ANO10: variants seen among roughly 807,000 people sequenced by gnomAD.
The protein encoded by ANO10 is anoctamin 10, also known as anoctamin-10.
In ANO10, 77 loss-of-function variants were observed where a neutral mutation model predicts 74.7. The ratio of observed to expected loss-of-function variants is 1.03; its 90% CI spans 0.86 to 1.25. The LOEUF is 1.25. Ranked by LOEUF, ANO10 falls within the 50% of genes most tolerant of loss-of-function variation. ANO10 has a pLI of 0.00. For synonymous variants in ANO10, 279 were observed against 284.9 expected (o/e 0.98, Z 0.21); for missense variants, 721 against 778.1 (o/e 0.93, Z 0.87).
chr3:43,600,251 A>C, intron 3 of ANO10, 133 bp downstream of exon 3: 1 of 1,000,464 alleles, frequency 1.0e-6, no homozygotes, highest in East Asian at 2.5e-5. Context: ...AGCAGAGACC[A>C]CACGGACTGC....
chr3:43,552,724 ATATATGTATGTATG>A (rs1199664142), intron 10 of ANO10, among the ~76,000 whole-genome samples: 25 of 102,984 alleles, frequency 2.4e-4, no homozygotes, highest in East Asian at 1.1e-3. Flanking sequence ...ATATATATAT[ATATATGTATGTATG>A]TATGTATGTA....
chr3:43,502,334 G>T (rs1441534238), intron 11 of ANO10, among the ~76,000 whole-genome samples: 2 of 151,728 alleles, frequency 1.3e-5, no homozygotes, highest in Non-Finnish European at 2.9e-5. Context: ...TTGGGTCATG[G>T]GGGCAGATTC....
At chr3:43,591,133 A>G (rs2081727880) in intron 4 of ANO10, among the ~76,000 whole-genome samples, 2 of 152,134 alleles carry the variant, frequency 1.3e-5, no homozygotes, top group Admixed American at 1.3e-4. Context: ...AAATCTTGCA[A>G]CTGCACATTC....
intron 8 of ANO10, among the ~76,000 whole-genome samples, chr3:43,564,441 A>G (rs538963034): frequency 2.4e-4 from 37 of 152,274 alleles, no homozygotes; most frequent in African/African-American, 8.7e-4. Context: ...GCCACCCATA[A>G]TTACACAACC....
At chr3:43,560,050 AG>A (rs2079952757) in intron 9 of ANO10, among the ~76,000 whole-genome samples, 1 of 152,208 alleles carries the variant, frequency 6.6e-6, no homozygotes, top group Non-Finnish European at 1.5e-5. Context: ...TATGGGGAGG[AG>A]AACCAAGAGC....
intron 11 of ANO10, among the ~76,000 whole-genome samples, chr3:43,473,204 C>A (rs547851798): frequency 2.4e-4 from 36 of 151,980 alleles, no homozygotes; most frequent in Non-Finnish European, 4.4e-4. Flanking sequence ...AGTCAAAATT[C>A]ATGCACAGCA....
At chr3:43,434,851 G>C (rs902888326) in intron 11 of ANO10, among the ~76,000 whole-genome samples, 1 of 152,128 alleles carries the variant, frequency 6.6e-6, no homozygotes, top group African/African-American at 2.4e-5. Flanking sequence ...AGTTGGTATT[G>C]ATTAGACAAT....
chr3:43,397,231 G>A (rs184786348), intron 12 of ANO10, among the ~76,000 whole-genome samples: 2 of 152,190 alleles, frequency 1.3e-5, no homozygotes, highest in African/African-American at 4.8e-5. Context: ...GCCCAGCCCT[G>A]TAGTTTTTAT....
intron 11 of ANO10, among the ~76,000 whole-genome samples, chr3:43,476,218 T>C (rs1208752404): frequency 6.6e-6 from 1 of 152,206 alleles, no homozygotes; most frequent in Non-Finnish European, 1.5e-5. Flanking sequence ...TAATCATGTC[T>C]AAATAAAAAC....
At chr3:43,414,845 T>C (rs971700724) in intron 12 of ANO10, among the ~76,000 whole-genome samples, 8 of 152,156 alleles carry the variant, frequency 5.3e-5, no homozygotes, top group Non-Finnish European at 2.9e-5. Context: ...GTGTTACTTA[T>C]ACCCATGTGC....
At chr3:43,585,438 G>A (rs1466993053) in intron 4 of ANO10, among the ~76,000 whole-genome samples, 1 of 152,198 alleles carries the variant, frequency 6.6e-6, no homozygotes, top group Non-Finnish European at 1.5e-5. Context: ...CAGGATACCA[G>A]ACTGGCTACC....
At chr3:43,415,881 T>C (rs914632714) in intron 12 of ANO10, among the ~76,000 whole-genome samples, 8 of 152,196 alleles carry the variant, frequency 5.3e-5, no homozygotes, top group African/African-American at 1.7e-4. Context: ...CTGATTATAA[T>C]TGTTAAATCA....
rs935716539 is a variant in ANO10 at position 43,566,509 on chromosome 3, T to C, written c.1219-782A>G. 7.4e-4 allele frequency among the ~76,000 whole-genome samples: 112 copies of C among 152,112 alleles called. 2 individuals are homozygous for C. The East Asian group carries it at 0.012, about 17-fold the overall frequency. On this transcript the variant is annotated intron_variant, in intron 7 of 12. Coordinates refer to ENST00000292246, the MANE Select transcript of ANO10 (RefSeq NM_018075.5). The stretch of plus-strand genomic sequence containing the variant: ...GATATGAGAATGGGCAGACTGCCTC[T>C]TCAAGTGGGTCCCTGACCCCTGACC...
chr3:43,652,783 T>G (rs1015083022), intron 1 of ANO10, among the ~76,000 whole-genome samples: 2 of 151,944 alleles, frequency 1.3e-5, no homozygotes, highest in African/African-American at 4.8e-5. Flanking sequence ...AAAACATAAT[T>G]TATATACTTG....
rs75484730 is a variant in ANO10 at position 43,387,687 on chromosome 3, C to T, written c.1915-20713G>A. ...TCAGTGGAAGCCATTTCAGGATCAA[C>T]AGAGGTGTCAACGGCTCACTTCCAA... On this transcript the variant is annotated intron_variant, in intron 12 of 12. Transcript: ENST00000292246. Among the ~76,000 whole-genome samples the T allele has an allele frequency of 3.7e-3, 561 of 152,300 alleles. 3 individuals are homozygous for T. Among genetic ancestry groups the T allele is most frequent in the African/African-American group, 0.013 (525 of 41,562 alleles).
intron 4 of ANO10, among the ~76,000 whole-genome samples, chr3:43,596,075 A>G (rs938324302): frequency 1.3e-5 from 2 of 152,218 alleles, no homozygotes; most frequent in African/African-American, 2.4e-5. Context: ...GGACCTCTTC[A>G]AGGAGAATTA....
intron 7 of ANO10, among the ~76,000 whole-genome samples, chr3:43,570,507 CAG>C (rs1302939094): frequency 1.3e-5 from 2 of 152,152 alleles, no homozygotes; most frequent in African/African-American, 2.4e-5. Context: ...TGGAACAGAA[CAG>C]AGCCCTCACA....
rs144124627 is a variant in ANO10, at chr3:43,394,580, G to T, written c.1915-27606C>A. ...AGATGTAGAATTTATAGGAAACAGT[G>T]AAAACGACAACAACAACGCCCTTAC... On this transcript the variant is annotated intron_variant, in intron 12 of 12. Transcript: ENST00000292246. 6.8e-4 allele frequency among the ~76,000 whole-genome samples: 104 copies of T among 152,232 alleles called. 2 individuals carry two copies. The highest frequency in any genetic ancestry group is 2.1e-3 in the African/African-American group (86 of 41,552).
At position 43,691,450 on chromosome 3, in the gene ANO10, A is replaced by G. The variant is rs911287615; in HGVS notation, c.-12+67T>C. The G allele has an allele frequency of 3.2e-5, 5 of 158,728 alleles. No homozygotes were observed. In the East Asian group the frequency reaches 9.2e-4, roughly 29 times the overall value. The allele number at this position is 158,728 out of a possible 1,614,324, so 9.8% of individuals were successfully genotyped here. A position where few individuals can be genotyped will look rare whatever the true frequency, so the allele number is the denominator to read the frequency against. ...CGGTGCCCGGTCGACCCTGCACCTG[A>G]CTGCGAGGCGCGGGAAATGACCGGG... On this transcript the variant is annotated intron_variant, in intron 1 of 3. Coordinates refer to the ANO10 transcript ENST00000413397.
Sources: gnomAD v4.1 joint callset for allele counts (sites outside exome capture counted in the v4.1 genomes callset) on GRCh38, gnomAD v4.1.1 for gene constraint, MANE v1.5 for transcripts, NCBI Gene and HGNC (gene_info 2026-07-23, HGNC 2026-07-21) for gene names.